CPNE2: variants seen among roughly 807,000 people sequenced by gnomAD.
CPNE2 encodes the protein copine 2.
In CPNE2, 42 loss-of-function variants were observed where a neutral mutation model predicts 69.7. The ratio of observed to expected loss-of-function variants is 0.60; its 90% CI spans 0.47 to 0.78. The LOEUF (loss-of-function observed/expected upper bound fraction) is 0.78, where lower values mean the gene tolerates loss of function less well. Ranked by LOEUF, CPNE2 falls within the 30% of genes least tolerant of loss-of-function variation. The pLI, the probability that CPNE2 is intolerant of heterozygous loss-of-function variation, is 0.00. For missense variants in CPNE2, 587 were observed against 732.0 expected (o/e 0.80, Z 2.29); for synonymous variants, 294 against 289.8 (o/e 1.01, Z -0.15).
intron 9 of CPNE2, among the ~76,000 whole-genome samples, chr16:57,122,675 C>A (rs552770825): frequency 2.0e-5 from 3 of 152,298 alleles, no homozygotes; most frequent in East Asian, 3.9e-4. Flanking sequence ...TCACTGCAAC[C>A]TCCGCCTTCC....
intron 11 of CPNE2, among the ~76,000 whole-genome samples, chr16:57,126,404 G>A (rs1363795821): frequency 6.6e-6 from 1 of 152,202 alleles, no homozygotes; most frequent in Non-Finnish European, 1.5e-5. Context: ...CTGGCGCCTA[G>A]TTCCCTAATG....
At chr16:57,115,935 C>T (rs1428990972) in intron 4 of CPNE2, among the ~76,000 whole-genome samples, 2 of 152,234 alleles carry the variant, frequency 1.3e-5, no homozygotes, top group South Asian at 2.1e-4. Context: ...GCCCTTCGCC[C>T]GGATGAGCTC....
At position 57,148,087 on chromosome 16, in the gene CPNE2, T is replaced by C. The variant is rs1325390106; in HGVS notation, c.*429T>C. On this transcript the variant is annotated 3_prime_UTR_variant, in exon 16 of 16. Transcript: ENST00000290776. ...TTTTTTTAATACTGTGACTGTGTTC[T>C]ATTTGTTATATGCTCAGGGTAACAA... 1 of 154,600 alleles carries C rather than the reference T, an allele frequency of 6.5e-6. No homozygotes were observed. Among genetic ancestry groups the C allele is most frequent in the Non-Finnish European group, 1.4e-5 (1 of 69,580 alleles). 9.6% of individuals were successfully genotyped at this position (154,600 alleles called of 1,614,324 possible).
intron 12 of CPNE2, among the ~76,000 whole-genome samples, chr16:57,132,383 G>A (rs1191791016): frequency 1.3e-5 from 2 of 152,226 alleles, no homozygotes; most frequent in African/African-American, 2.4e-5. Flanking sequence ...AGGTCTGGGA[G>A]GAGGGGGAGC....
rs1404503670 is a variant in CPNE2, at chr16:57,121,749, C to T, written c.856C>T (p.Arg286Ter). The change falls in exon 9 of 16, where the codon CGA becomes TGA. Residue 286 changes from arginine to a stop codon, truncating the protein, a stop_gained. Transcript: ENST00000290776. LOFTEE classifies it high-confidence loss of function. ...NYKNSGIIIL[R>*]SCKINRDYSF... is the part of the protein sequence containing the mutation. ...TAAAAACTCGGGCATCATCATCCTGCGATCCTGCAAGGTGAACCAGCGTGG... is the reference window on the plus strand; with the variant it reads ...TAAAAACTCGGGCATCATCATCCTGTGATCCTGCAAGGTGAACCAGCGTGG... 24 of 1,614,012 alleles carry T rather than the reference C, an allele frequency of 1.5e-5. No individual in the cohort carries two copies. Among genetic ancestry groups the T allele is most frequent in the Non-Finnish European group, 1.8e-5 (21 of 1,180,012 alleles).
rs556274810 is a variant in CPNE2 at position 57,138,442 on chromosome 16, C to T, written c.1302+1160C>T. 1.4e-3 allele frequency among the ~76,000 whole-genome samples: 219 copies of T among 152,266 alleles called. 1 individual carries two copies. The highest frequency in any genetic ancestry group is 5.0e-3 in the African/African-American group (209 of 41,556). The stretch of plus-strand genomic sequence containing the variant: ...AGCCGCTGCCCTGCCAAAAACCCTT[C>T]GCCATCAGATTGGATCCCCTGAGGC... On this transcript the variant is annotated intron_variant, in intron 14 of 15. Coordinates refer to ENST00000290776, the MANE Select transcript of CPNE2 (RefSeq NM_152727.6).
In CPNE2 at chr16:57,136,815, G is replaced by A. The variant is rs566009484; in HGVS notation, c.1169-334G>A. 2.0e-4 allele frequency among the ~76,000 whole-genome samples: 31 copies of A among 152,314 alleles called. No homozygotes were observed. The Middle Eastern group carries it at 0.014, about 67-fold the overall frequency. On this transcript the variant is annotated intron_variant, in intron 13 of 15. Coordinates refer to ENST00000290776, the MANE Select transcript of CPNE2 (RefSeq NM_152727.6). ...TGTAGTCCCAGCTACTCGGGAGGCC[G>A]AGGCAGGAGAATTGCTTGAACCTGG...
chr16:57,141,168 G>A (rs1441137706), intron 14 of CPNE2: 1 of 152,536 alleles, frequency 6.6e-6, no homozygotes, highest in African/African-American at 2.4e-5. Flanking sequence ...GCAGGAACCA[G>A]GGTCCTGGGG....
chr16:57,093,857 C>T (rs761541841), intron 1 of CPNE2: 4 of 339,712 alleles, frequency 1.2e-5, no homozygotes, highest in South Asian at 2.1e-5. Flanking sequence ...AGGAAACAGG[C>T]GGTGTGCGCA....
At chr16:57,102,716 C>T (rs1250996900) in intron 1 of CPNE2, among the ~76,000 whole-genome samples, 1 of 152,018 alleles carries the variant, frequency 6.6e-6, no homozygotes, top group Non-Finnish European at 1.5e-5. Flanking sequence ...ATTCTTTTGC[C>T]TCAGCCTCTG....
At chr16:57,138,041 A>C (rs2069895737) in intron 14 of CPNE2, among the ~76,000 whole-genome samples, 1 of 152,122 alleles carries the variant, frequency 6.6e-6, no homozygotes, top group Admixed American at 6.5e-5. Context: ...TGACTGACCT[A>C]TGCCCTATGC....
At chr16:57,121,251 C>A in intron 8 of CPNE2, 60 bp downstream of exon 8, 2 of 1,487,424 alleles carry the variant, frequency 1.3e-6, no homozygotes, top group East Asian at 2.3e-5. Context: ...GAAGGGGCAC[C>A]GGGTCTTGGG....
chr16:57,125,810 G>A, intron 10 of CPNE2, 50 bp from the exon 11 acceptor site: 5 of 1,609,624 alleles, frequency 3.1e-6, no homozygotes, highest in Non-Finnish European at 4.2e-6. Context: ...AGTGGGATAG[G>A]GTGCTGGGGT....
intron 14 of CPNE2, among the ~76,000 whole-genome samples, chr16:57,145,414 T>A (rs1183276803): frequency 6.6e-6 from 1 of 152,234 alleles, no homozygotes; most frequent in Admixed American, 6.5e-5. Context: ...TGGTGCTCAG[T>A]GCTGTGTTTG....
intron 1 of CPNE2, among the ~76,000 whole-genome samples, chr16:57,095,155 A>G (rs1470901431): frequency 2.0e-5 from 3 of 151,958 alleles, no homozygotes; most frequent in African/African-American, 7.3e-5. Context: ...TGGAGGTGGG[A>G]TCTCCCCCAA....
At chr16:57,126,396 G>A (rs1243694262) in intron 11 of CPNE2, among the ~76,000 whole-genome samples, 4 of 152,214 alleles carry the variant, frequency 2.6e-5, no homozygotes, top group Admixed American at 2.6e-4. Flanking sequence ...TCCTGGGCCT[G>A]GCGCCTAGTT....
chr16:57,119,706 T>C, intron 7 of CPNE2, 56 bp downstream of exon 7: 1 of 1,220,050 alleles, frequency 8.2e-7, no homozygotes, highest in Non-Finnish European at 1.2e-6. Flanking sequence ...CCTCCCAGTC[T>C]ACCTGAGGCT....
intron 12 of CPNE2, among the ~76,000 whole-genome samples, chr16:57,129,846 C>T (rs770440371): frequency 5.3e-5 from 8 of 151,870 alleles, no homozygotes; most frequent in Non-Finnish European, 1.2e-4. Context: ...GTTGATGGGT[C>T]AATGGGTTTG....
Position 57,147,662 on chromosome 16 carries a change from C to A in CPNE2, c.*4C>A. On this transcript the variant is annotated 3_prime_UTR_variant, in exon 16 of 16. Coordinates refer to ENST00000290776, the MANE Select transcript of CPNE2 (RefSeq NM_152727.6). ...CACCAACTCGGAGCCCGCCTGAGCT[C>A]CAGTGCCCAGCAGCAGCATGTCAGC... The A allele has an allele frequency of 6.3e-7, 1 of 1,593,132 alleles. No individual in the cohort carries two copies. The highest frequency in any genetic ancestry group is 1.7e-4 in the Middle Eastern group (1 of 5,966).
Sources: allele counts gnomAD v4.1 joint callset (sites outside exome capture counted in the v4.1 genomes callset), GRCh38; gene constraint gnomAD v4.1.1; transcripts MANE v1.5; gene names NCBI Gene and HGNC (gene_info 2026-07-23, HGNC 2026-07-21).